Variants in LARP1 observed in about 807,000 individuals in gnomAD.
The protein encoded by LARP1 is la-related protein 1.
A neutral mutation model predicts 122.7 loss-of-function variants in LARP1; 36 were observed. The ratio of observed to expected loss-of-function variants is 0.29; its 90% CI spans 0.22 to 0.39. The LOEUF is 0.39. Ranked by LOEUF, LARP1 falls within the 10% of genes least tolerant of loss-of-function variation. The probability of loss-of-function intolerance (pLI) is 1.00; values close to 1 mark genes in which losing one functional copy is unlikely to be tolerated. For missense variants in LARP1, 1,040 were observed against 1,403.6 expected, an observed-to-expected ratio of 0.74 and a Z score of 4.14; for synonymous variants, 539 against 528.7, an observed-to-expected ratio of 1.02 and a Z score of -0.27.
At chr5:154,693,964 CT>C (rs1309610086) in intron 1 of LARP1, among the ~76,000 whole-genome samples, 2 of 152,000 alleles carry the variant, frequency 1.3e-5, no homozygotes, top group African/African-American at 4.8e-5. Flanking sequence ...GAGCCTGAAT[CT>C]AATGAGGCCT....
chr5:154,707,707 T>G (rs1755017759), intron 1 of LARP1, among the ~76,000 whole-genome samples: 1 of 152,194 alleles, frequency 6.6e-6, no homozygotes, highest in Non-Finnish European at 1.5e-5. Context: ...ATTATTATTA[T>G]ATTGTAATAT....
At chr5:154,810,570 C>G (rs1759182830) in intron 16 of LARP1, among the ~76,000 whole-genome samples, 1 of 152,234 alleles carries the variant, frequency 6.6e-6, no homozygotes, top group East Asian at 1.9e-4. Flanking sequence ...TCACTGCAAC[C>G]TCCACCTCCC....
chr5:154,705,382 A>T (rs1754901736), intron 1 of LARP1, among the ~76,000 whole-genome samples: 1 of 151,766 alleles, frequency 6.6e-6, no homozygotes, highest in Admixed American at 6.6e-5. Flanking sequence ...TTATTTATTT[A>T]TTTTTTTGAG....
chr5:154,765,740 C>T (rs936768973), intron 1 of LARP1, among the ~76,000 whole-genome samples: 3 of 152,272 alleles, frequency 2.0e-5, no homozygotes, highest in East Asian at 3.9e-4. Flanking sequence ...GACTTCGATA[C>T]CTGATTACGT....
chr5:154,783,885 A>T (rs1024068974), intron 1 of LARP1, among the ~76,000 whole-genome samples: 1 of 152,144 alleles, frequency 6.6e-6, no homozygotes, highest in African/African-American at 2.4e-5. Context: ...TGTAGACCCA[A>T]TATTAGTAAG....
At chr5:154,704,694 G>C (rs1405185502) in intron 1 of LARP1, among the ~76,000 whole-genome samples, 1 of 137,724 alleles carries the variant, frequency 7.3e-6, no homozygotes, top group Non-Finnish European at 1.6e-5. Context: ...AACTATAACA[G>C]AATAAATAGA....
intron 1 of LARP1, among the ~76,000 whole-genome samples, chr5:154,697,976 C>A (rs2113234066): frequency 6.6e-6 from 1 of 152,114 alleles, no homozygotes; most frequent in East Asian, 1.9e-4. Flanking sequence ...CAGTCATGTA[C>A]CACTATACCA....
Position 154,803,284 on chromosome 5 carries a change from C to A in LARP1, c.2110-6C>A. The stretch of plus-strand genomic sequence containing the variant: ...TCTTTCCCCACTCATCTCATGACCT[C>A]TGCAGCAAGAAGTCGAGAACTTCAA... On this transcript the variant is annotated splice_polypyrimidine_tract_variant and splice_region_variant and intron_variant, in intron 11 of 18. Transcript: ENST00000518297. The surrounding 1 kb of genome is among the most constrained non-coding windows in gnomAD (Gnocchi z 4.4). The A allele has an allele frequency of 2.5e-6, 4 of 1,614,202 alleles. No individual in the cohort carries two copies. The highest frequency in any genetic ancestry group is 3.4e-6 in the Non-Finnish European group (4 of 1,180,044).
At chr5:154,746,633 C>T (rs1753211485) in intron 1 of LARP1, among the ~76,000 whole-genome samples, 2 of 152,164 alleles carry the variant, frequency 1.3e-5, no homozygotes, top group South Asian at 2.1e-4. Flanking sequence ...TCTTCAGCTG[C>T]CAACCAAAGA....
chr5:154,795,817 A>G (rs1483853854), intron 8 of LARP1, among the ~76,000 whole-genome samples: 2 of 130,522 alleles, frequency 1.5e-5, no homozygotes, highest in African/African-American at 5.5e-5. Context: ...GGCGCCATAT[A>G]TATATTTATA....
At chr5:154,759,320 A>T (rs1360589473) in intron 1 of LARP1, among the ~76,000 whole-genome samples, 3 of 151,802 alleles carry the variant, frequency 2.0e-5, no homozygotes, top group African/African-American at 7.3e-5. Context: ...CTGTAATATG[A>T]TGGGGTTGGT....
At chr5:154,742,991 T>C (rs1752987240) in intron 1 of LARP1, among the ~76,000 whole-genome samples, 1 of 152,168 alleles carries the variant, frequency 6.6e-6, no homozygotes, top group African/African-American at 2.4e-5. Flanking sequence ...CCACGTCACA[T>C]GAGTTTGGGG....
At chr5:154,786,841 G>A (rs1281519957) in intron 1 of LARP1, among the ~76,000 whole-genome samples, 1 of 151,834 alleles carries the variant, frequency 6.6e-6, no homozygotes, top group East Asian at 1.9e-4. Context: ...TACAAGTTGA[G>A]TGGATTAGAA....
rs748853573 is a variant in LARP1, at chr5:154,744,616, ATTTTTTTTTTTTTTTTTTTTTT to A, written c.205+31504_205+31525del. The stretch of plus-strand genomic sequence containing the variant: ...CAGGGGAAAGGGCATTGGATATGCA[ATTTTTTTTTTTTTTTTTTTTTT>A]TTTTTTTTTTTTTTTTTGAGACGGA... On this transcript the variant is annotated intron_variant, in intron 1 of 18. Transcript: ENST00000336314. Among the ~76,000 whole-genome samples the A allele has an allele frequency of 1.8e-4, 13 of 71,994 alleles. 1 individual carries two copies. Among genetic ancestry groups the A allele is most frequent in the East Asian group, 6.6e-4 (2 of 3,036 alleles). 47.2% of individuals were successfully genotyped at this position (71,994 alleles called of 152,430 possible). A position where few individuals can be genotyped will look rare whatever the true frequency, so the allele number is the denominator to read the frequency against.
intron 3 of LARP1, among the ~76,000 whole-genome samples, chr5:154,792,235 G>A (rs1220692175): frequency 1.3e-5 from 2 of 152,190 alleles, no homozygotes; most frequent in African/African-American, 4.8e-5. Context: ...TTACTCACTG[G>A]CTGTGGCCGC....
intron 1 of LARP1, among the ~76,000 whole-genome samples, 179 bp from the exon 2 acceptor site, chr5:154,790,146 G>C (rs1251708103): frequency 6.6e-6 from 1 of 152,106 alleles, no homozygotes; most frequent in Non-Finnish European, 1.5e-5. Context: ...CTTCAGGAGT[G>C]GGCTGGTAAA....
chr5:154,760,877 T>C (rs1194164035), intron 1 of LARP1, among the ~76,000 whole-genome samples: 1 of 152,246 alleles, frequency 6.6e-6, no homozygotes, highest in African/African-American at 2.4e-5. Context: ...CTTGACCAAA[T>C]GTCCAAAGAC....
At chr5:154,720,325 A>G (rs759711306) in intron 1 of LARP1, among the ~76,000 whole-genome samples, 12 of 152,222 alleles carry the variant, frequency 7.9e-5, no homozygotes, top group South Asian at 4.1e-4. Flanking sequence ...GGAACTGCCA[A>G]TACTGCTGTG....
rs2113070762 is a variant in LARP1, at chr5:154,814,230, T to G, written c.*134T>G. 1 of 852,506 alleles carries G rather than the reference T, an allele frequency of 1.2e-6. No individual in the cohort carries two copies. Among genetic ancestry groups the G allele is most frequent in the Admixed American group, 2.4e-5 (1 of 41,914 alleles). 52.8% of individuals were successfully genotyped at this position (852,506 alleles called of 1,614,324 possible). On this transcript the variant is annotated 3_prime_UTR_variant, in exon 19 of 19. Coordinates refer to ENST00000518297, the MANE Select transcript of LARP1 (RefSeq NM_033551.3). Reference sequence around the variant, plus strand: ...TACTAGGACAGGCCTTTGTGCTGAGTAGCAATGTATACACCATTTGGGCTA... The same window carrying G: ...TACTAGGACAGGCCTTTGTGCTGAGGAGCAATGTATACACCATTTGGGCTA...
Sources: gnomAD v4.1 joint callset for allele counts (sites outside exome capture counted in the v4.1 genomes callset) on GRCh38, gnomAD v4.1.1 for gene constraint, Gnocchi (gnomAD v3.1) non-coding constraint, MANE v1.5 for transcripts, NCBI Gene and HGNC (gene_info 2026-07-23, HGNC 2026-07-21) for gene names.